Variants in MED25 observed in about 807,000 individuals in gnomAD.
The protein encoded by MED25 is mediator of RNA polymerase II transcription subunit 25.
A neutral mutation model predicts 89.4 loss-of-function variants in MED25; 62 were observed. The ratio of observed to expected loss-of-function variants is 0.69; its 90% CI spans 0.57 to 0.86. The LOEUF (loss-of-function observed/expected upper bound fraction) is 0.86. Among genes scored for constraint, MED25 ranks in the 40% least tolerant of loss-of-function variants. The pLI is 0.00. For synonymous variants in MED25, 449 were observed against 427.9 expected, an observed-to-expected ratio of 1.05 and a Z score of -0.61; for missense variants, 905 against 1,005.2, an observed-to-expected ratio of 0.90 and a Z score of 1.35.
rs994909639 is a variant in MED25, at chr19:49,831,604, C to T, written c.1230+143C>T. ...TGCGCTGGACCTGTGGGATGCGGGG[C>T]GAGGCCAGGAGCCCCATGGAGTGGT... On this transcript the variant is annotated intron_variant, in intron 10 of 17. Transcript: ENST00000312865. This position sits in a 1 kb window ranked among gnomAD's most constrained non-coding sequence, Gnocchi z 5.0. 8.0e-6 allele frequency: 9 copies of T among 1,120,638 alleles called. No homozygotes were observed. The highest frequency in any genetic ancestry group is 1.6e-5 in the South Asian group (1 of 62,910). 69.4% of individuals were successfully genotyped at this position (1,120,638 alleles called of 1,614,324 possible). A position where few individuals can be genotyped will look rare whatever the true frequency, so the allele number is the denominator to read the frequency against.
Position 49,835,940 on chromosome 19 carries a change from C to T in MED25, c.1960C>T (p.Pro654Ser). 1 of 1,612,924 alleles carries T rather than the reference C, an allele frequency of 6.2e-7. No individual in the cohort carries two copies. The highest frequency in any genetic ancestry group is 8.5e-7 in the Non-Finnish European group (1 of 1,179,970). Residue 654 changes from proline to serine, a missense_variant, in exon 16 of 18, where the codon CCA (proline) becomes TCA (serine). Around this residue, in one of 3 missense-constraint regions of MED25, gnomAD observed 271 missense variants for 258.1 expected, o/e 1.05. Coordinates refer to ENST00000312865, the MANE Select transcript of MED25 (RefSeq NM_030973.4). This position sits in a 1 kb window ranked among gnomAD's most constrained non-coding sequence, Gnocchi z 6.2. ...GCTGCGAAGCCTCCTCCTCAACCCA[C>T]CACCGGTGAGATGTTGGGGTGGGGT... ...PQLRSLLLNP[P>S]PPQTGVPPPQ...
At chr19:49,839,695 A>G (rs570477466), downstream of MED25, 3 of 152,312 alleles carry the variant, frequency 2.0e-5, no homozygotes, top group African/African-American at 4.8e-5. Flanking sequence ...ATGATGGTGT[A>G]TGCTTGGTCC....
In MED25 at chr19:49,830,609, G is replaced by C; in HGVS notation, c.907+11G>C. ...GGCTGGGCCCTCGCTGTGAGTCCTGGAGTGAGGATGAAGGGCGGGCAGGGG... is the reference window on the plus strand; with the variant it reads ...GGCTGGGCCCTCGCTGTGAGTCCTGCAGTGAGGATGAAGGGCGGGCAGGGG... On this transcript the variant is annotated intron_variant, in intron 8 of 17. Coordinates refer to ENST00000312865, the MANE Select transcript of MED25 (RefSeq NM_030973.4). The surrounding 1 kb of genome is among the most constrained non-coding windows in gnomAD (Gnocchi z 4.6). 6.2e-7 allele frequency: 1 copy of C among 1,614,050 alleles called. No individual in the cohort carries two copies. Among genetic ancestry groups the C allele is most frequent in the Non-Finnish European group, 8.5e-7 (1 of 1,179,910 alleles).
chr19:49,838,045 G>A (rs2074111747), downstream of MED25, among the ~76,000 whole-genome samples: 1 of 152,134 alleles, frequency 6.6e-6, no homozygotes, highest in African/African-American at 2.4e-5. Context: ...TCCTGGAGGT[G>A]GTGAGTGAGT....
At chr19:49,826,927 C>T (rs971585735) in intron 3 of MED25, among the ~76,000 whole-genome samples, 5 of 152,146 alleles carry the variant, frequency 3.3e-5, no homozygotes, top group Non-Finnish European at 2.9e-5. Context: ...GATGCCGGGC[C>T]GAGGGCCTGG....
chr19:49,833,050 C>T (rs2074070629), intron 13 of MED25: 3 of 156,556 alleles, frequency 1.9e-5, no homozygotes, highest in African/African-American at 4.8e-5. Context: ...TGCAAAGACC[C>T]TCTTTCCAGA....
rs771406041 is a variant in MED25, at chr19:49,836,747, T to C, written c.2147-100T>C. On this transcript the variant is annotated intron_variant, in intron 17 of 17. Transcript: ENST00000312865. The surrounding 1 kb of genome is among the most constrained non-coding windows in gnomAD (Gnocchi z 5.1). ...TAGATGGGGCCAGAAGGTGCTTCTG[T>C]TGGGTCCCCCAAGGGCTGCCTAGAA... 1 of 884,760 alleles carries C rather than the reference T, an allele frequency of 1.1e-6. No homozygotes were observed. The highest frequency in any genetic ancestry group is 1.9e-6 in the Non-Finnish European group (1 of 536,674). The allele number at this position is 884,760 out of a possible 1,614,324, so 54.8% of individuals were successfully genotyped here. A position where few individuals can be genotyped will look rare whatever the true frequency, so the allele number is the denominator to read the frequency against.
At chr19:49,826,059 TGCCGGGCACAGTG>T (rs1235247433) in intron 3 of MED25, among the ~76,000 whole-genome samples, 3 of 151,872 alleles carry the variant, frequency 2.0e-5, no homozygotes, top group Non-Finnish European at 4.4e-5. Flanking sequence ...GCTGTCTTGA[TGCCGGGCACAGTG>T]GCTCACGCCT....
At chr19:49,821,375 G>A (rs1469750619) in intron 3 of MED25, among the ~76,000 whole-genome samples, 2 of 152,148 alleles carry the variant, frequency 1.3e-5, no homozygotes, top group African/African-American at 4.8e-5. Flanking sequence ...TCGACCTCCT[G>A]GGCTCAAGCT....
At chr19:49,839,070 A>T, downstream of MED25, 1 of 304,114 alleles carries the variant, frequency 3.3e-6, no homozygotes, top group South Asian at 2.9e-5. Flanking sequence ...TGCTTGAAAG[A>T]GTCAAATTGA....
chr19:49,819,452 C>T (rs2073967050), intron 3 of MED25, 156 bp downstream of exon 3: 3 of 795,044 alleles, frequency 3.8e-6, no homozygotes, highest in African/African-American at 1.8e-5. Context: ...TAAGTAATGG[C>T]TTGGGGTGGT....
In MED25 at chr19:49,818,443, G is replaced by C. The variant is rs755369870; in HGVS notation, c.102G>C (p.Gly34=). Residue 34 remains glycine, a synonymous_variant, in exon 1 of 18, where the codon GGG becomes GGC. Transcript: ENST00000312865. ...GTANLGPYFE[G]LRKHYLLPAI... ...CCAACCTGGGACCCTACTTCGAGGG[G>C]CTCCGCAAGCACTACCTGCTCCCGG... The C allele has an allele frequency of 6.2e-7, 1 of 1,614,140 alleles. No homozygotes were observed. Among genetic ancestry groups the C allele is most frequent in the Non-Finnish European group, 8.5e-7 (1 of 1,180,030 alleles).
intron 1 of MED25, 33 bp downstream of exon 1, chr19:49,818,508 C>T (rs753014918): frequency 4.3e-6 from 7 of 1,614,238 alleles, no homozygotes; most frequent in East Asian, 2.2e-5. Flanking sequence ...TAACCCCGCC[C>T]TCCCACTTCA....
In MED25 at chr19:49,834,620, G is replaced by A. The variant is rs144154260; in HGVS notation, c.1483-366G>A. 1,672 of 367,330 alleles carry A rather than the reference G, an allele frequency of 4.6e-3. 9 individuals are homozygous for A. The highest frequency in any genetic ancestry group is 0.013 in the Admixed American group (360 of 26,754). 22.8% of individuals were successfully genotyped at this position (367,330 alleles called of 1,614,324 possible). A position where few individuals can be genotyped will look rare whatever the true frequency, so the allele number is the denominator to read the frequency against. Reference sequence around the variant, plus strand: ...TTGATCACAGGCCTGTGGGTACCACGCTGTGCATCTAGGCCGCTCTCCCGG... The same window carrying A: ...TTGATCACAGGCCTGTGGGTACCACACTGTGCATCTAGGCCGCTCTCCCGG... On this transcript the variant is annotated intron_variant, in intron 13 of 17. Transcript: ENST00000312865. This position sits in a 1 kb window ranked among gnomAD's most constrained non-coding sequence, Gnocchi z 4.1.
intron 3 of MED25, chr19:49,819,949 C>T (rs2073970950): frequency 6.5e-6 from 1 of 154,958 alleles, no homozygotes; most frequent in Non-Finnish European, 1.4e-5. Flanking sequence ...CCTCAGCCTC[C>T]CAAGTAGCTG....
chr19:49,819,508 A>G (rs950848234), intron 3 of MED25: 1 of 583,724 alleles, frequency 1.7e-6, no homozygotes. Context: ...CTTGGGTTTG[A>G]GCTGCAGGAA....
chr19:49,833,801 C>T (rs919894186), intron 13 of MED25: 3 of 152,274 alleles, frequency 2.0e-5, no homozygotes, highest in African/African-American at 7.2e-5. Flanking sequence ...TTGGCTGGGG[C>T]TTGGCTAGGA....
In MED25 at chr19:49,828,563, A is replaced by G. The variant is rs190980102; in HGVS notation, c.404+16A>G. Reference sequence around the variant, plus strand: ...GCGAGCAGATGTGAGTGCCCCCTCCACCCAGGCCGGGCCGGTCTCTCTCTG... The same window carrying G: ...GCGAGCAGATGTGAGTGCCCCCTCCGCCCAGGCCGGGCCGGTCTCTCTCTG... On this transcript the variant is annotated intron_variant, in intron 4 of 17. Transcript: ENST00000312865. 2.2e-4 allele frequency: 347 copies of G among 1,600,312 alleles called. No homozygotes were observed. In the East Asian group the frequency reaches 7.2e-3, roughly 33 times the overall value.
In MED25 at chr19:49,830,232, C is replaced by T. The variant is rs188257265; in HGVS notation, c.819+14C>T. ...CCGCAGTACCAGGTATGGATATTTC[C>T]GGGAAGGGACATGCTTCTGGGGACT... On this transcript the variant is annotated intron_variant, in intron 7 of 17. Transcript: ENST00000312865. The surrounding 1 kb of genome is among the most constrained non-coding windows in gnomAD (Gnocchi z 4.6). 3,001 of 1,605,536 alleles carry T rather than the reference C, an allele frequency of 1.9e-3. 10 individuals carry two copies. The highest frequency in any genetic ancestry group is 2.5e-3 in the Admixed American group (148 of 59,716).
Sources: gnomAD v4.1 joint callset for allele counts (sites outside exome capture counted in the v4.1 genomes callset) on GRCh38, gnomAD v4.1.1 for gene constraint, gnomAD v4.1.1 regional missense constraint, Gnocchi (gnomAD v3.1) non-coding constraint, MANE v1.5 for transcripts, NCBI Gene and HGNC (gene_info 2026-07-23, HGNC 2026-07-21) for gene names.